The following USP34 variants were observed in gnomAD, a reference collection of about 807,000 sequenced individuals.
The protein encoded by USP34 is ubiquitin specific peptidase 34, also known as ubiquitin carboxyl-terminal hydrolase 34.
Under a neutral mutation model 460.3 loss-of-function variants are expected in USP34, and 70 were observed. The ratio of observed to expected loss-of-function variants is 0.15; its 90% CI spans 0.13 to 0.19. USP34 has a LOEUF of 0.19. Among genes scored for constraint, USP34 ranks in the 10% least tolerant of loss-of-function variants. The pLI is 1.00. For synonymous variants in USP34, 1,647 were observed against 1,405.3 expected, an observed-to-expected ratio of 1.17 and a Z score of -3.85; for missense variants, 3,985 against 4,236.2, an observed-to-expected ratio of 0.94 and a Z score of 1.65.
intron 48 of USP34, among the ~76,000 whole-genome samples, chr2:61,253,499 G>A (rs1453686770): frequency 6.6e-6 from 1 of 152,134 alleles, no homozygotes; most frequent in Non-Finnish European, 1.5e-5. Context: ...GCTTTCATTT[G>A]ACTATGTCCA....
intron 49 of USP34, among the ~76,000 whole-genome samples, chr2:61,247,128 T>A (rs1056655278): frequency 8.5e-5 from 13 of 152,072 alleles, no homozygotes; most frequent in African/African-American, 3.1e-4. Flanking sequence ...ATTTAAAATA[T>A]AAAGGTAATA....
chr2:61,358,435 T>G (rs140356372), intron 10 of USP34, among the ~76,000 whole-genome samples: 32 of 152,164 alleles, frequency 2.1e-4, no homozygotes, highest in Admixed American at 3.3e-4. Flanking sequence ...GGAAGATTCC[T>G]TTCATGATAA....
intron 5 of USP34, among the ~76,000 whole-genome samples, chr2:61,386,547 T>C (rs1462576125): frequency 6.6e-6 from 1 of 152,190 alleles, no homozygotes. Flanking sequence ...TCCCAGCACT[T>C]TGGGGAGCCG....
intron 1 of USP34, among the ~76,000 whole-genome samples, chr2:61,429,204 T>C (rs1694594129): frequency 6.6e-6 from 1 of 151,918 alleles, no homozygotes; most frequent in African/African-American, 2.4e-5. Context: ...TCCCAGCACT[T>C]TGGGAGGCCG....
intron 75 of USP34, 114 bp downstream of exon 75, chr2:61,203,026 G>A (rs2103767138): frequency 1.9e-6 from 2 of 1,077,668 alleles, no homozygotes; most frequent in Non-Finnish European, 2.6e-6. Flanking sequence ...ATATTTTTAA[G>A]CATTCACTTT....
chr2:61,241,676 A>G, intron 52 of USP34, 21 bp from the exon 53 acceptor site: 1 of 1,561,984 alleles, frequency 6.4e-7, no homozygotes, highest in Non-Finnish European at 8.7e-7. Context: ...CAAGAAAAAA[A>G]TTTATTTTCA....
intron 43 of USP34, among the ~76,000 whole-genome samples, chr2:61,260,023 TAGGTTA>T (rs1156650754): frequency 6.6e-6 from 1 of 152,218 alleles, no homozygotes; most frequent in Non-Finnish European, 1.5e-5. Context: ...AATCACTTTC[TAGGTTA>T]ACACTTATTT....
chr2:61,368,955 T>C (rs1692521671), intron 10 of USP34, among the ~76,000 whole-genome samples: 1 of 151,920 alleles, frequency 6.6e-6, no homozygotes, highest in Non-Finnish European at 1.5e-5. Context: ...TCAACTTCAG[T>C]GACACATAAA....
intron 70 of USP34, chr2:61,207,556 G>A (rs934934647): frequency 6.6e-6 from 1 of 152,190 alleles, no homozygotes; most frequent in Non-Finnish European, 1.5e-5. Flanking sequence ...TACTTGTACA[G>A]TATGTAACTT....
At chr2:61,263,130 T>C (rs1688944114) in intron 43 of USP34, among the ~76,000 whole-genome samples, 1 of 148,996 alleles carries the variant, frequency 6.7e-6, no homozygotes, top group African/African-American at 2.5e-5. Flanking sequence ...TGGCCCAGCG[T>C]CCCGAGTAGC....
intron 68 of USP34, among the ~76,000 whole-genome samples, chr2:61,213,760 G>C (rs1284748113): frequency 2.0e-5 from 3 of 152,154 alleles, no homozygotes; most frequent in African/African-American, 7.2e-5. Context: ...GTACCATGAA[G>C]CTGGCTTTTT....
Position 61,214,240 on chromosome 2 carries a change from G to A in USP34, c.8502C>T (p.Ile2834=), listed in dbSNP as rs750842030. 6.2e-7 allele frequency: 1 copy of A among 1,614,202 alleles called. No individual in the cohort carries two copies. The highest frequency in any genetic ancestry group is 8.5e-7 in the Non-Finnish European group (1 of 1,180,036). The change falls in exon 68 of 80, where the codon ATC becomes ATT. Residue 2834 remains isoleucine, a synonymous_variant. Transcript: ENST00000398571. ...VVTKNIAFNY[I]LADHDDQDVV... ...CATCCTGATCATCATGGTCAGCAAGGATGTAATTGAAGGCAATGTTCTTGG... is the reference window on the plus strand; with the variant it reads ...CATCCTGATCATCATGGTCAGCAAGAATGTAATTGAAGGCAATGTTCTTGG...
At chr2:61,257,467 T>A in intron 44 of USP34, 117 bp from the exon 45 acceptor site, 1 of 738,520 alleles carries the variant, frequency 1.4e-6, no homozygotes, top group Non-Finnish European at 1.9e-6. Context: ...AAGTTAGTTT[T>A]AAATGGTTGC....
At chr2:61,229,661 G>A in intron 58 of USP34, 28 bp from the exon 59 acceptor site, 1 of 1,568,504 alleles carries the variant, frequency 6.4e-7, no homozygotes, top group Non-Finnish European at 8.7e-7. Context: ...GATCAAACAA[G>A]AGCCAACTCA....
chr2:61,441,639 G>A (rs1694966038), intron 1 of USP34, among the ~76,000 whole-genome samples: 6 of 151,278 alleles, frequency 4.0e-5, no homozygotes, highest in African/African-American at 1.5e-4. Context: ...AAATGCGTAA[G>A]TGCCAAAAAA....
intron 18 of USP34, among the ~76,000 whole-genome samples, chr2:61,337,024 T>C (rs1558536332): frequency 6.6e-6 from 1 of 152,134 alleles, no homozygotes; most frequent in East Asian, 1.9e-4. Flanking sequence ...TCTCTTTCTA[T>C]TGAAGTATAA....
chr2:61,257,276 A>G lies in USP34; in HGVS notation c.5919T>C (p.Thr1973=), dbSNP rs1311772046. The change falls in exon 45 of 80, where the codon ACT becomes ACC. Residue 1973 remains threonine, a synonymous_variant. Coordinates refer to ENST00000398571, the MANE Select transcript of USP34 (RefSeq NM_014709.4). ...ACTCTGTCATATCTTTCTGTTCCCC[A>G]GTATTCAGAGGCTGCTTATCCATGG... The part of the protein sequence containing the change: ...TYTMDKQPLN[T]GEQKDMTEFF... 8.7e-6 allele frequency: 14 copies of G among 1,613,270 alleles called. No homozygotes were observed. The highest frequency in any genetic ancestry group is 1.1e-5 in the Non-Finnish European group (13 of 1,179,560).
At chr2:61,281,296 T>C in intron 37 of USP34, 54 bp from the exon 38 acceptor site, 1 of 1,557,636 alleles carries the variant, frequency 6.4e-7, no homozygotes, top group South Asian at 1.2e-5. Flanking sequence ...ACAAAGTTAA[T>C]ATGTTAGCAG....
At chr2:61,228,618 C>G (rs1687797948) in intron 61 of USP34, 27 bp downstream of exon 61, 2 of 1,591,920 alleles carry the variant, frequency 1.3e-6, no homozygotes. Flanking sequence ...GCCTCTAATA[C>G]CTAATGTACG....
Sources: allele counts gnomAD v4.1 joint callset (sites outside exome capture counted in the v4.1 genomes callset), GRCh38; gene constraint gnomAD v4.1.1; transcripts MANE v1.5; gene names NCBI Gene and HGNC (gene_info 2026-07-23, HGNC 2026-07-21).